Variants in STAC observed in about 807,000 individuals in gnomAD.
The protein encoded by STAC is SH3 and cysteine rich domain, also known as SH3 and cysteine-rich domain-containing protein.
Under a neutral mutation model 48.8 loss-of-function variants are expected in STAC, and 43 were observed. That is an observed-to-expected ratio of 0.88 (90% CI 0.69 to 1.14). The LOEUF (loss-of-function observed/expected upper bound fraction) is 1.14, where lower values mean the gene tolerates loss of function less well. Among genes scored for constraint, STAC ranks in the 50% most tolerant of loss-of-function variants. The probability of loss-of-function intolerance (pLI) is 0.00; values close to 1 mark genes in which losing one functional copy is unlikely to be tolerated. For missense variants in STAC, 497 were observed against 504.0 expected (o/e 0.99, Z 0.13); for synonymous variants, 193 against 179.5 (o/e 1.07, Z -0.60).
intron 1 of STAC, among the ~76,000 whole-genome samples, chr3:36,412,410 T>C (rs1349552825): frequency 6.6e-6 from 1 of 152,044 alleles, no homozygotes; most frequent in African/African-American, 2.4e-5. Context: ...GCTGGATACA[T>C]TGCTGTTCCA....
intron 1 of STAC, among the ~76,000 whole-genome samples, chr3:36,417,418 A>G (rs1700343905): frequency 6.6e-6 from 1 of 152,166 alleles, no homozygotes. Flanking sequence ...CTTACAGTCC[A>G]GTGTACTTAT....
chr3:36,488,832 C>A (rs1485955357), intron 5 of STAC, among the ~76,000 whole-genome samples: 3 of 152,106 alleles, frequency 2.0e-5, no homozygotes, highest in Non-Finnish European at 4.4e-5. Context: ...GATTTATCGA[C>A]CCTTAAAGAA....
At chr3:36,416,498 C>T (rs6796695) in intron 1 of STAC, among the ~76,000 whole-genome samples, 3,539 of 152,194 alleles carry the variant, frequency 0.023, 61 homozygotes, top group East Asian at 0.026. Context: ...TCTTTATATA[C>T]ACTTTAATAA....
At position 36,547,822 on chromosome 3, in the gene STAC, T is replaced by A. The variant is rs1045157455; in HGVS notation, c.*1533T>A. 6.6e-6 allele frequency: 1 copy of A among 152,146 alleles called. No individual in the cohort carries two copies. Among genetic ancestry groups the A allele is most frequent in the Non-Finnish European group, 1.5e-5 (1 of 68,020 alleles). The allele number at this position is 152,146 out of a possible 1,614,324, so 9.4% of individuals were successfully genotyped here. ...TTATCTTAAAGCCAGCATCCAGAATTTCCTCCCTCTCTGATGCCACATGCA... is the reference window on the plus strand; with the variant it reads ...TTATCTTAAAGCCAGCATCCAGAATATCCTCCCTCTCTGATGCCACATGCA... On this transcript the variant is annotated 3_prime_UTR_variant, in exon 11 of 11. Transcript: ENST00000273183.
intron 5 of STAC, among the ~76,000 whole-genome samples, chr3:36,491,180 T>C (rs1380396326): frequency 1.3e-5 from 2 of 152,282 alleles, no homozygotes; most frequent in African/African-American, 4.8e-5. Context: ...AGTATTCTTA[T>C]GTCCTAAAGT....
intron 2 of STAC, among the ~76,000 whole-genome samples, chr3:36,477,040 T>C (rs542807270): frequency 1.6e-3 from 238 of 152,374 alleles, no homozygotes; most frequent in African/African-American, 5.4e-3. Context: ...ATAGATACTT[T>C]ATATAATCTA....
intron 3 of STAC, among the ~76,000 whole-genome samples, chr3:36,483,732 C>T (rs77069230): frequency 6.6e-6 from 1 of 152,092 alleles, no homozygotes; most frequent in African/African-American, 2.4e-5. Flanking sequence ...TGGGTTGATC[C>T]CTTAAGCCCA....
At chr3:36,382,635 T>C (rs1245251545) in intron 1 of STAC, among the ~76,000 whole-genome samples, 1 of 152,192 alleles carries the variant, frequency 6.6e-6, no homozygotes, top group Non-Finnish European at 1.5e-5. Context: ...TGCCTACATG[T>C]GAATTTTTCT....
chr3:36,489,761 T>C (rs1697916544), intron 5 of STAC, among the ~76,000 whole-genome samples: 2 of 152,202 alleles, frequency 1.3e-5, no homozygotes. Flanking sequence ...CAGCCCTTTG[T>C]AGAGTGTCAA....
intron 5 of STAC, 76 bp downstream of exon 5, chr3:36,486,325 G>A (rs1697814617): frequency 1.6e-6 from 2 of 1,275,224 alleles, no homozygotes; most frequent in Non-Finnish European, 2.2e-6. Flanking sequence ...GCAGTATGGG[G>A]TATTCCACCT....
intron 1 of STAC, among the ~76,000 whole-genome samples, chr3:36,416,072 C>T (rs1700313124): frequency 6.6e-6 from 1 of 152,034 alleles, no homozygotes; most frequent in Admixed American, 6.6e-5. Flanking sequence ...TATTCTGGTT[C>T]CTTTATTCTG....
chr3:36,486,701 G>C (rs1697826052), intron 5 of STAC, among the ~76,000 whole-genome samples: 1 of 152,036 alleles, frequency 6.6e-6, no homozygotes, highest in African/African-American at 2.4e-5. Flanking sequence ...CACACCTCTT[G>C]ATTGCACACA....
At chr3:36,494,927 A>T (rs1014407251) in intron 6 of STAC, among the ~76,000 whole-genome samples, 1 of 152,200 alleles carries the variant, frequency 6.6e-6, no homozygotes, top group African/African-American at 2.4e-5. Context: ...CTCACCAGAG[A>T]CTTGCATGAT....
At chr3:36,429,713 C>A (rs1407063702) in intron 1 of STAC, among the ~76,000 whole-genome samples, 1 of 152,166 alleles carries the variant, frequency 6.6e-6, no homozygotes, top group South Asian at 2.1e-4. Flanking sequence ...TATAACTCTA[C>A]CTTTGGTTTC....
At position 36,441,673 on chromosome 3, in the gene STAC, T is replaced by C. The variant is rs192517061; in HGVS notation, c.112-1691T>C. On this transcript the variant is annotated intron_variant, in intron 1 of 10. Coordinates refer to ENST00000273183, the MANE Select transcript of STAC (RefSeq NM_003149.3). Reference sequence around the variant, plus strand: ...GTAGCTTTTAGAGGAACCCCCATACTGTTCTTCATAGTGGTTGCACTAGTT... The same window carrying C: ...GTAGCTTTTAGAGGAACCCCCATACCGTTCTTCATAGTGGTTGCACTAGTT... Among the ~76,000 whole-genome samples, 314 of 152,330 alleles carry C rather than the reference T, an allele frequency of 2.1e-3. 2 individuals carry two copies. The highest frequency in any genetic ancestry group is 7.3e-3 in the African/African-American group (303 of 41,578).
intron 1 of STAC, among the ~76,000 whole-genome samples, chr3:36,439,122 G>A (rs73830379): frequency 0.012 from 1,818 of 152,224 alleles, 35 homozygotes; most frequent in African/African-American, 0.04. Context: ...GCATGGGGAC[G>A]GGGATTGGAG....
At chr3:36,512,538 T>A (rs183662070) in intron 8 of STAC, among the ~76,000 whole-genome samples, 295 of 150,826 alleles carry the variant, frequency 2.0e-3, no homozygotes, top group African/African-American at 6.7e-3. Context: ...AACATTTTTT[T>A]AAAAAAGTAA....
At chr3:36,448,157 A>AATTTTATTTTATTTTATTTTATTTT (rs368503712) in intron 2 of STAC, among the ~76,000 whole-genome samples, 62 of 148,302 alleles carry the variant, frequency 4.2e-4, no homozygotes, top group Middle Eastern at 3.5e-3. Flanking sequence ...ATGGTCACAG[A>AATTTTATTTTATTTTATTTTATTTT]ATTTTATTTT....
At chr3:36,525,566 G>T (rs572130107) in intron 8 of STAC, among the ~76,000 whole-genome samples, 182 of 152,244 alleles carry the variant, frequency 1.2e-3, no homozygotes, top group African/African-American at 3.8e-3. Flanking sequence ...TTAGGGAAAG[G>T]TACCTCCCCC....
Sources: gnomAD v4.1 joint callset for allele counts (sites outside exome capture counted in the v4.1 genomes callset) on GRCh38, gnomAD v4.1.1 for gene constraint, MANE v1.5 for transcripts, NCBI Gene and HGNC (gene_info 2026-07-23, HGNC 2026-07-21) for gene names.